Variants in XYLT1 observed in about 807,000 individuals in gnomAD.
The protein encoded by XYLT1 is xylosyltransferase 1, also known as beta-D-xylosyltransferase 1.
In XYLT1, 36 loss-of-function variants were observed where a neutral mutation model predicts 91.3. The ratio of observed to expected loss-of-function variants is 0.39; its 90% CI spans 0.30 to 0.52. The LOEUF (loss-of-function observed/expected upper bound fraction) is 0.52, where lower values mean the gene tolerates loss of function less well. XYLT1 is among the 20% of genes least tolerant of loss of function. The probability of loss-of-function intolerance (pLI) is 0.68; values close to 1 mark genes in which losing one functional copy is unlikely to be tolerated. For missense variants in XYLT1, 1,242 were observed against 1,284.5 expected, an observed-to-expected ratio of 0.97 and a Z score of 0.51; for synonymous variants, 588 against 532.0, an observed-to-expected ratio of 1.11 and a Z score of -1.45.
At chr16:17,351,751 G>GC (rs377541827) in intron 2 of XYLT1, among the ~76,000 whole-genome samples, 7 of 149,384 alleles carry the variant, frequency 4.7e-5, no homozygotes, top group Non-Finnish European at 8.9e-5. Flanking sequence ...TTTTTTTTTG[G>GC]GGGGGGGTGC....
rs377281740 is a variant in XYLT1, at chr16:17,198,432, A to G, written c.1087-18T>C. The G allele has an allele frequency of 8.7e-5, 141 of 1,612,044 alleles. No individual in the cohort carries two copies. Among genetic ancestry groups the G allele is most frequent in the Middle Eastern group, 3.3e-4 (2 of 6,074 alleles). ...TTAGAGCGCTTTTCCCAGGAGAGAA[A>G]GGGTGATGACAGTCAGTGGCCTAGA... On this transcript the variant is annotated intron_variant, in intron 4 of 11. Coordinates refer to ENST00000261381, the MANE Select transcript of XYLT1 (RefSeq NM_022166.4).
chr16:17,440,894 T>C (rs913942013), intron 1 of XYLT1, among the ~76,000 whole-genome samples: 7 of 152,038 alleles, frequency 4.6e-5, no homozygotes, highest in Non-Finnish European at 1.0e-4. Context: ...AAAAGCTAAG[T>C]TCCAACACTT....
chr16:17,423,651 C>T (rs1340682332), intron 1 of XYLT1, among the ~76,000 whole-genome samples: 1 of 151,814 alleles, frequency 6.6e-6, no homozygotes, highest in Non-Finnish European at 1.5e-5. Flanking sequence ...CACTCTGTCA[C>T]CAGGCTGGAG....
chr16:17,288,044 C>T (rs931478907), intron 2 of XYLT1, among the ~76,000 whole-genome samples: 5 of 151,760 alleles, frequency 3.3e-5, no homozygotes, highest in African/African-American at 4.8e-5. Context: ...GATCTCCCAC[C>T]TCAGCCTCCC....
intron 2 of XYLT1, among the ~76,000 whole-genome samples, chr16:17,325,867 C>G (rs1349126751): frequency 3.3e-5 from 5 of 152,176 alleles, no homozygotes; most frequent in Non-Finnish European, 5.9e-5. Context: ...ATTAGCTCAT[C>G]ATTTCTAAGC....
intron 2 of XYLT1, among the ~76,000 whole-genome samples, chr16:17,344,566 G>C (rs900967656): frequency 6.6e-6 from 1 of 152,000 alleles, no homozygotes; most frequent in Admixed American, 6.6e-5. Flanking sequence ...AGGTTAGTCA[G>C]TCCACAGGGT....
At chr16:17,418,845 C>A (rs1237791667) in intron 1 of XYLT1, among the ~76,000 whole-genome samples, 1 of 151,498 alleles carries the variant, frequency 6.6e-6, no homozygotes, top group Admixed American at 6.6e-5. Flanking sequence ...AAGATCCTGT[C>A]TCAAAAAATA....
intron 2 of XYLT1, among the ~76,000 whole-genome samples, chr16:17,323,361 C>G (rs765225391): frequency 3.9e-5 from 6 of 152,194 alleles, no homozygotes; most frequent in Non-Finnish European, 8.8e-5. Flanking sequence ...TTGGCATCTT[C>G]GCGCAGACGG....
intron 2 of XYLT1, among the ~76,000 whole-genome samples, chr16:17,325,955 C>T (rs1272417948): frequency 3.3e-5 from 5 of 152,204 alleles, no homozygotes; most frequent in African/African-American, 4.8e-5. Context: ...CCGTGTTCCG[C>T]TTGTCTGAAT....
intron 1 of XYLT1, among the ~76,000 whole-genome samples, chr16:17,408,009 A>C (rs1424690392): frequency 6.6e-6 from 1 of 152,114 alleles, no homozygotes; most frequent in Admixed American, 6.5e-5. Flanking sequence ...TTCACCTTCC[A>C]CTGTGAGTGA....
intron 2 of XYLT1, among the ~76,000 whole-genome samples, chr16:17,350,640 G>GA (rs993182714): frequency 2.6e-5 from 4 of 152,128 alleles, no homozygotes; most frequent in African/African-American, 9.7e-5. Context: ...GCTGACGGGG[G>GA]AAAAAAACAT....
chr16:17,149,104 GT>G (rs2031216122), intron 6 of XYLT1, among the ~76,000 whole-genome samples: 1 of 152,206 alleles, frequency 6.6e-6, no homozygotes, highest in Non-Finnish European at 1.5e-5. Context: ...CAGACAGAGG[GT>G]GGGAAGAAGT....
intron 5 of XYLT1, among the ~76,000 whole-genome samples, chr16:17,162,160 C>A (rs2031570635): frequency 6.6e-6 from 1 of 152,072 alleles, no homozygotes; most frequent in Non-Finnish European, 1.5e-5. Flanking sequence ...GTAATTCCAG[C>A]ACTTGGGGAG....
Position 17,108,789 on chromosome 16 carries a change from A to G in XYLT1, c.2786T>C (p.Val929Ala). The change falls in exon 12 of 12, where the codon GTC becomes GCC. Residue 929 changes from valine to alanine, a missense_variant. By Grantham distance (64) the Val-to-Ala change is moderately conservative. Around this residue, in one of 3 missense-constraint regions of XYLT1, gnomAD observed 511 missense variants for 497.0 expected, o/e 1.03. Transcript: ENST00000261381. ...GGCCGTCTGGCTGCAGGTCTGCATG[A>G]CCGGGCAGGCTGTGGGGCCCGTGGC... ...ICATGPTACP[V>A]MQTCSQTAWS... 2 of 1,611,176 alleles carry G rather than the reference A, an allele frequency of 1.2e-6. No homozygotes were observed. The highest frequency in any genetic ancestry group is 1.7e-6 in the Non-Finnish European group (2 of 1,179,794).
intron 1 of XYLT1, among the ~76,000 whole-genome samples, chr16:17,402,272 A>C (rs975134247): frequency 2.0e-5 from 3 of 152,044 alleles, no homozygotes; most frequent in Non-Finnish European, 2.9e-5. Context: ...GTGAGCCGTC[A>C]TTGCCCCACT....
At chr16:17,207,286 C>T (rs1397209746) in intron 3 of XYLT1, among the ~76,000 whole-genome samples, 1 of 152,092 alleles carries the variant, frequency 6.6e-6, no homozygotes, top group Non-Finnish European at 1.5e-5. Flanking sequence ...TCTCGAACTC[C>T]TGACCTTAGG....
At chr16:17,219,787 G>T (rs996015191) in intron 3 of XYLT1, among the ~76,000 whole-genome samples, 10 of 152,092 alleles carry the variant, frequency 6.6e-5, no homozygotes, top group African/African-American at 2.2e-4. Context: ...CCAGCATTTT[G>T]GGAGGCCGAG....
chr16:17,342,120 G>T (rs2035070655), intron 2 of XYLT1, among the ~76,000 whole-genome samples: 1 of 152,182 alleles, frequency 6.6e-6, no homozygotes, highest in African/African-American at 2.4e-5. Context: ...AGGTTCTAAT[G>T]ATCTAGCTTC....
intron 2 of XYLT1, among the ~76,000 whole-genome samples, chr16:17,357,319 G>A (rs1390853753): frequency 2.0e-5 from 3 of 151,676 alleles, no homozygotes; most frequent in Non-Finnish European, 2.9e-5. Flanking sequence ...CAGATGCGAA[G>A]ACACTGGCTT....
Sources: allele counts gnomAD v4.1 joint callset (sites outside exome capture counted in the v4.1 genomes callset), GRCh38; gene constraint gnomAD v4.1.1; regional missense constraint gnomAD v4.1.1; transcripts MANE v1.5; gene names NCBI Gene and HGNC (gene_info 2026-07-23, HGNC 2026-07-21).